Variants in C2orf78 observed in about 807,000 individuals in gnomAD.
The protein encoded by C2orf78 is chromosome 2 open reading frame 78, also known as uncharacterized protein C2orf78.
In C2orf78, 12 loss-of-function variants were observed where a neutral mutation model predicts 21.4. That is an observed-to-expected ratio of 0.56 (90% CI 0.36 to 0.91). The LOEUF is 0.91. Ranked by LOEUF, C2orf78 falls within the 40% of genes least tolerant of loss-of-function variation. C2orf78 has a pLI of 0.01. For synonymous variants in C2orf78, 396 were observed against 413.9 expected, an observed-to-expected ratio of 0.96 and a Z score of 0.52; for missense variants, 1,042 against 1,092.4, an observed-to-expected ratio of 0.95 and a Z score of 0.65.
intron 1 of C2orf78, among the ~76,000 whole-genome samples, chr2:73,812,373 T>G (rs1485523454): frequency 2.6e-5 from 4 of 152,250 alleles, no homozygotes; most frequent in African/African-American, 9.6e-5. Flanking sequence ...GAACTTACTA[T>G]ATCTTCCTCA....
At chr2:73,816,029 T>G in exon 3 of C2orf78, 1 of 1,613,546 alleles carries the variant, frequency 6.2e-7, no homozygotes, top group Non-Finnish European at 8.5e-7. Context: ...AGCAAACCAT[T>G]CCCAATATGA....
exon 3 of C2orf78, chr2:73,817,115 T>C (rs1446866438): frequency 8.4e-7 from 1 of 1,185,476 alleles, no homozygotes. Context: ...AATTGATTAA[T>C]AGATAAGTAA....
intron 1 of C2orf78, among the ~76,000 whole-genome samples, chr2:73,785,287 CACAAACAAACAA>C (rs939411254): frequency 7.8e-6 from 1 of 129,012 alleles, no homozygotes; most frequent in Non-Finnish European, 1.6e-5. Flanking sequence ...GAGACCCTGT[CACAAACAAACAA>C]ACAAACAAAC....
At chr2:73,812,097 TACAC>T (rs1306129943) in intron 1 of C2orf78, among the ~76,000 whole-genome samples, 1 of 152,198 alleles carries the variant, frequency 6.6e-6, no homozygotes, top group Admixed American at 6.5e-5. Context: ...TTCTGCTTCT[TACAC>T]ACTTTTTGCT....
In C2orf78 at chr2:73,810,660, AAT is replaced by A. The variant is rs1256997698; in HGVS notation, c.98-2809_98-2808del. On this transcript the variant is annotated intron_variant, in intron 1 of 2. Transcript: ENST00000409561. Reference sequence around the variant, plus strand: ...ATGTATATTTTATGTATATATCTATAATATATATAATATAATAAAATATACAT... The same window carrying A: ...ATGTATATTTTATGTATATATCTATAATATATAATATAATAAAATATACAT... Among the ~76,000 whole-genome samples, 11 of 130,638 alleles carry A rather than the reference AAT, an allele frequency of 8.4e-5. No individual in the cohort carries two copies. In the South Asian group the frequency reaches 1.1e-3, roughly 13 times the overall value. 85.7% of individuals were successfully genotyped at this position (130,638 alleles called of 152,430 possible). A position where few individuals can be genotyped will look rare whatever the true frequency, so the allele number is the denominator to read the frequency against.
At position 73,810,533 on chromosome 2, in the gene C2orf78, G is replaced by GAA. The variant is rs916869999; in HGVS notation, c.98-2941_98-2940dup. On this transcript the variant is annotated intron_variant, in intron 1 of 2. Transcript: ENST00000409561. The stretch of plus-strand genomic sequence containing the variant: ...CAAGAGCGAAACTCTGTCTCAAAAA[G>GAA]AAAATATATATATATATATACATAA... Among the ~76,000 whole-genome samples the GAA allele has an allele frequency of 9.9e-5, 7 of 70,732 alleles. No homozygotes were observed. The Admixed American group carries it at 1.1e-3, about 11-fold the overall frequency. 46.4% of individuals were successfully genotyped at this position (70,732 alleles called of 152,430 possible).
At position 73,786,018 on chromosome 2, in the gene C2orf78, C is replaced by T. The variant is rs190413351; in HGVS notation, c.97+1612C>T. On this transcript the variant is annotated intron_variant, in intron 1 of 2. Coordinates refer to ENST00000409561, the Ensembl canonical transcript of C2orf78. The stretch of plus-strand genomic sequence containing the variant: ...CCAAGATCGCGCCATTGCACTCCAG[C>T]CTGGGCAATAAGAGGGAAACTCCGC... Among the ~76,000 whole-genome samples the T allele has an allele frequency of 2.1e-3, 316 of 151,638 alleles. 6 individuals are homozygous for T. The highest frequency in any genetic ancestry group is 0.013 in the South Asian group (62 of 4,764).
intron 1 of C2orf78, 138 bp downstream of exon 1, chr2:73,784,544 G>A (rs902674225): frequency 2.9e-6 from 2 of 695,262 alleles, no homozygotes; most frequent in African/African-American, 3.8e-5. Context: ...CCTCATTTCA[G>A]TTTTGGCTTT....
At chr2:73,816,483 C>A in exon 3 of C2orf78, 1 of 1,613,958 alleles carries the variant, frequency 6.2e-7, no homozygotes, top group Middle Eastern at 1.6e-4. Flanking sequence ...CCCTGCTCGA[C>A]CTGATTCTAC....
intron 1 of C2orf78, among the ~76,000 whole-genome samples, chr2:73,811,898 T>C (rs745584979): frequency 2.0e-5 from 3 of 152,204 alleles, no homozygotes; most frequent in Non-Finnish European, 2.9e-5. Flanking sequence ...GTAATATTCA[T>C]AGAAATATGA....
intron 1 of C2orf78, among the ~76,000 whole-genome samples, chr2:73,808,208 C>T (rs1257601167): frequency 3.3e-5 from 5 of 150,990 alleles, no homozygotes; most frequent in Non-Finnish European, 7.4e-5. Flanking sequence ...GAGCCAAGAT[C>T]ACGCCACTGC....
At chr2:73,792,539 ATTGT>A (rs1672946079) in intron 1 of C2orf78, among the ~76,000 whole-genome samples, 1 of 139,338 alleles carries the variant, frequency 7.2e-6, no homozygotes, top group Non-Finnish European at 1.5e-5. Flanking sequence ...GGTATGTTGA[ATTGT>A]TTGTCACAGA....
At position 73,807,975 on chromosome 2, in the gene C2orf78, G is replaced by A. The variant is rs554365913; in HGVS notation, c.98-5502G>A. 6.9e-4 allele frequency among the ~76,000 whole-genome samples: 105 copies of A among 151,224 alleles called. 6 individuals carry two copies. Among genetic ancestry groups the A allele is most frequent in the Middle Eastern group, 3.4e-3 (1 of 294 alleles). On this transcript the variant is annotated intron_variant, in intron 1 of 2. Coordinates refer to ENST00000409561, the Ensembl canonical transcript of C2orf78. ...TTTGGCCCTTAAAATCGGCAGTAGG[G>A]CCGGGTGCGGTGGCTCCCGCCTGTA...
exon 3 of C2orf78, chr2:73,817,089 TAAAG>T: frequency 7.7e-7 from 1 of 1,293,624 alleles, no homozygotes; most frequent in East Asian, 2.6e-5. Context: ...TAAAACATAA[TAAAG>T]AAATGTAATA....
In C2orf78 at chr2:73,815,689, CAT is replaced by C. The variant is rs1222513707; in HGVS notation, c.1467_1468del (p.Val491HisfsTer6). The stretch of plus-strand genomic sequence containing the variant: ...AAGGTAAATCAGGTGCAGGAAAAGT[CAT>C]GTGTCATAAAGGGTCACTCTGATCA... On this transcript the variant is annotated frameshift_variant, in exon 3 of 3. Coordinates refer to ENST00000409561, the Ensembl canonical transcript of C2orf78. LOFTEE classifies it low-confidence loss of function (END_TRUNC). 6.2e-7 allele frequency: 1 copy of C among 1,613,820 alleles called. No homozygotes were observed. Among genetic ancestry groups the C allele is most frequent in the Admixed American group, 1.7e-5 (1 of 59,996 alleles).
exon 3 of C2orf78, chr2:73,816,973 ACTATGGCTACACAAT>A: frequency 2.5e-6 from 4 of 1,609,502 alleles, no homozygotes; most frequent in Non-Finnish European, 3.4e-6. Context: ...ATTGCTGAAT[ACTATGGCTACACAAT>A]CTAAGAGCTG....
rs2435993 is a variant in C2orf78 at position 73,784,561 on chromosome 2, T to A, written c.97+155T>A. Reference sequence around the variant, plus strand: ...TCATTTCAGTTTTGGCTTTGACATTTACTAGCTGTGTGACTTTAGATAACT... The same window carrying A: ...TCATTTCAGTTTTGGCTTTGACATTAACTAGCTGTGTGACTTTAGATAACT... On this transcript the variant is annotated intron_variant, in intron 1 of 2. Coordinates refer to ENST00000409561, the Ensembl canonical transcript of C2orf78. Among the ~76,000 whole-genome samples, 1,014 of 148,476 alleles carry A rather than the reference T, an allele frequency of 6.8e-3. 15 individuals are homozygous for A. Among genetic ancestry groups the A allele is most frequent in the African/African-American group, 0.023 (893 of 38,060 alleles).
exon 3 of C2orf78, chr2:73,815,483 T>G (rs753434545): frequency 4.9e-5 from 79 of 1,613,706 alleles, no homozygotes; most frequent in Non-Finnish European, 6.6e-5. Flanking sequence ...ATCTAAGAAA[T>G]AAGAGCCTGA....
intron 2 of C2orf78, among the ~76,000 whole-genome samples, chr2:73,814,534 C>A (rs1257963221): frequency 6.6e-6 from 1 of 152,192 alleles, no homozygotes; most frequent in African/African-American, 2.4e-5. Flanking sequence ...CTTCCTTAAT[C>A]TATTACTTTA....
Sources: gnomAD v4.1 joint callset for allele counts (sites outside exome capture counted in the v4.1 genomes callset) on GRCh38, gnomAD v4.1.1 for gene constraint, MANE v1.5 for transcripts, NCBI Gene and HGNC (gene_info 2026-07-23, HGNC 2026-07-21) for gene names.